The following RNF2 variants were observed in gnomAD, a reference collection of about 807,000 sequenced individuals.
The protein encoded by RNF2 is E3 ubiquitin-protein ligase RING2.
In RNF2, 6 loss-of-function variants were observed where a neutral mutation model predicts 37.2. The ratio of observed to expected loss-of-function variants is 0.16; its 90% CI spans 0.09 to 0.32. RNF2 has a LOEUF of 0.32. RNF2 is among the 10% of genes least tolerant of loss of function. RNF2 has a pLI of 1.00. For missense variants in RNF2, 251 were observed against 404.0 expected (o/e 0.62, Z 3.25); for synonymous variants, 133 against 132.7 (o/e 1.00, Z -0.02).
chr1:185,061,281 C>T (rs997030345), intron 1 of RNF2, among the ~76,000 whole-genome samples: 4 of 151,910 alleles, frequency 2.6e-5, no homozygotes, highest in African/African-American at 9.7e-5. Context: ...GCGCCCGCCA[C>T]CATGCCCGGC....
chr1:185,094,262 C>T (rs967878599), intron 4 of RNF2, among the ~76,000 whole-genome samples: 3 of 152,032 alleles, frequency 2.0e-5, no homozygotes, highest in Non-Finnish European at 2.9e-5. Flanking sequence ...CCTGCTTTAG[C>T]GTCTTGAGTA....
At chr1:185,063,339 A>G (rs1650668514) in intron 1 of RNF2, among the ~76,000 whole-genome samples, 1 of 152,224 alleles carries the variant, frequency 6.6e-6, no homozygotes, top group Admixed American at 6.5e-5. Flanking sequence ...TGAGTCTGAA[A>G]TGCAACCTTG....
At chr1:185,086,382 T>G (rs1651602047) in intron 1 of RNF2, among the ~76,000 whole-genome samples, 1 of 152,068 alleles carries the variant, frequency 6.6e-6, no homozygotes, top group Non-Finnish European at 1.5e-5. Context: ...TACAACCCTC[T>G]TTCCCATATT....
rs200605982 is a variant in RNF2, at chr1:185,095,666, TTATC to T, written c.464+2394_464+2397del. On this transcript the variant is annotated intron_variant, in intron 4 of 6. Transcript: ENST00000367510. ...AAAGTAGTAGCTGCTCAGTAAATAT[TTATC>T]TATGTGTGAATTTTTAAGTTCTTCC... Among the ~76,000 whole-genome samples the T allele has an allele frequency of 8.5e-5, 13 of 152,314 alleles. No homozygotes were observed. In the East Asian group the frequency reaches 2.1e-3, roughly 25 times the overall value.
chr1:185,063,963 A>G (rs1029538274), intron 1 of RNF2, among the ~76,000 whole-genome samples: 3 of 152,206 alleles, frequency 2.0e-5, no homozygotes, highest in Admixed American at 2.0e-4. Context: ...AATCCAGGAT[A>G]ATCTCCCCAT....
At chr1:185,049,563 G>A (rs1415091066) in intron 1 of RNF2, among the ~76,000 whole-genome samples, 3 of 151,690 alleles carry the variant, frequency 2.0e-5, no homozygotes, top group Non-Finnish European at 2.9e-5. Flanking sequence ...TCTGAGAGCA[G>A]TTAGAATTAT....
At chr1:185,073,511 T>C (rs529533818) in intron 1 of RNF2, among the ~76,000 whole-genome samples, 4 of 152,336 alleles carry the variant, frequency 2.6e-5, no homozygotes, top group Admixed American at 6.5e-5. Flanking sequence ...TTCTCTTTCA[T>C]TGGCATCTAT....
chr1:185,060,575 T>G (rs1650568866), intron 1 of RNF2, among the ~76,000 whole-genome samples: 1 of 152,204 alleles, frequency 6.6e-6, no homozygotes, highest in Non-Finnish European at 1.5e-5. Flanking sequence ...AAGAATGTGA[T>G]GAATTTAGTG....
At chr1:185,046,438 C>G (rs1557956095) in intron 1 of RNF2, 1 of 152,174 alleles carries the variant, frequency 6.6e-6, no homozygotes, top group African/African-American at 2.4e-5. Context: ...TGGTCAGAAT[C>G]GTTTACCTTC....
At chr1:185,060,939 C>T (rs1399117267) in intron 1 of RNF2, among the ~76,000 whole-genome samples, 1 of 151,942 alleles carries the variant, frequency 6.6e-6, no homozygotes, top group Non-Finnish European at 1.5e-5. Flanking sequence ...GGCAACATAG[C>T]GAGATCCCAT....
chr1:185,067,708 C>CTT lies in RNF2; in HGVS notation c.-2-19825_-2-19824dup, dbSNP rs753063280. On this transcript the variant is annotated intron_variant, in intron 1 of 6. Transcript: ENST00000367510. ...GATAATTAAGTAATTTAAAAGTATC[C>CTT]TTTTTTTTTTTTTTTTTTTTGAGAC... is the stretch of plus-strand genomic sequence containing the variant. Among the ~76,000 whole-genome samples, 617 of 121,114 alleles carry CTT rather than the reference C, an allele frequency of 5.1e-3. 15 individuals carry two copies. The highest frequency in any genetic ancestry group is 0.018 in the African/African-American group (557 of 30,842). The allele number at this position is 121,114 out of a possible 152,430, so 79.5% of individuals were successfully genotyped here. A position where few individuals can be genotyped will look rare whatever the true frequency, so the allele number is the denominator to read the frequency against.
chr1:185,091,799 G>A (rs936832087), intron 3 of RNF2, 60 bp downstream of exon 3: 16 of 1,457,374 alleles, frequency 1.1e-5, no homozygotes, highest in African/African-American at 1.4e-5. Flanking sequence ...TGCTTTCCAG[G>A]GTTTGAGAAA....
chr1:185,072,530 C>CT (rs1181585242), intron 1 of RNF2, among the ~76,000 whole-genome samples: 1 of 151,894 alleles, frequency 6.6e-6, no homozygotes, highest in Non-Finnish European at 1.5e-5. Flanking sequence ...CATGAGGGAG[C>CT]TAGCTATGGG....
intron 1 of RNF2, among the ~76,000 whole-genome samples, chr1:185,055,151 TATC>T: frequency 6.6e-6 from 1 of 152,340 alleles, no homozygotes; most frequent in Non-Finnish European, 1.5e-5. Flanking sequence ...GCAGATCGAG[TATC>T]CCTTAACCAA....
intron 1 of RNF2, among the ~76,000 whole-genome samples, chr1:185,083,680 C>T (rs1342650364): frequency 6.6e-6 from 1 of 152,046 alleles, no homozygotes; most frequent in East Asian, 1.9e-4. Flanking sequence ...GTCTGTTGCC[C>T]AGGCTGGAGT....
intron 4 of RNF2, 92 bp downstream of exon 4, chr1:185,093,368 A>G: frequency 8.9e-7 from 1 of 1,125,490 alleles, no homozygotes; most frequent in South Asian, 1.4e-5. Context: ...AAAATACAGT[A>G]ACAAATAGTA....
chr1:185,090,974 G>A (rs745666459), intron 2 of RNF2, among the ~76,000 whole-genome samples: 2 of 152,208 alleles, frequency 1.3e-5, no homozygotes, highest in African/African-American at 2.4e-5. Context: ...CTGGGTTAGC[G>A]TGAGAAGCTG....
chr1:185,064,587 T>TA (rs2102164779), intron 1 of RNF2, among the ~76,000 whole-genome samples: 1 of 152,366 alleles, frequency 6.6e-6, no homozygotes, highest in Admixed American at 6.5e-5. Flanking sequence ...ATTTTCAACT[T>TA]ACTGTGGTTT....
intron 1 of RNF2, among the ~76,000 whole-genome samples, chr1:185,054,380 CG>C (rs1286919628): frequency 6.6e-6 from 1 of 152,180 alleles, no homozygotes; most frequent in African/African-American, 2.4e-5. Flanking sequence ...GAAGCGACTC[CG>C]GAGAGGACGT....
Sources: gnomAD v4.1 joint callset for allele counts (sites outside exome capture counted in the v4.1 genomes callset) on GRCh38, gnomAD v4.1.1 for gene constraint, MANE v1.5 for transcripts, NCBI Gene and HGNC (gene_info 2026-07-23, HGNC 2026-07-21) for gene names.